The following SV2C variants were observed in gnomAD, a reference collection of about 807,000 sequenced individuals.
SV2C encodes synaptic vesicle glycoprotein 2C, also known as solute carrier family 22 member B3.
In SV2C, 49 loss-of-function variants were observed where a neutral mutation model predicts 79.7. The observed-to-expected ratio is 0.61, with a 90% CI of 0.49 to 0.78. The LOEUF is 0.78. Ranked by LOEUF, SV2C falls within the 30% of genes least tolerant of loss-of-function variation. The pLI is 0.00. For synonymous variants in SV2C, 334 were observed against 333.2 expected, an observed-to-expected ratio of 1.00 and a Z score of -0.03; for missense variants, 833 against 912.9, an observed-to-expected ratio of 0.91 and a Z score of 1.13.
At chr5:76,115,480 TTC>T (rs1748234752) in intron 1 of SV2C, among the ~76,000 whole-genome samples, 1 of 152,202 alleles carries the variant, frequency 6.6e-6, no homozygotes, top group Non-Finnish European at 1.5e-5. Flanking sequence ...AGCTGGATTT[TTC>T]TCTTTGACTG....
At chr5:76,010,259 G>A in the SV2C span, among the ~76,000 whole-genome samples, 3 of 152,136 alleles carry the variant, frequency 2.0e-5, no homozygotes, top group African/African-American at 4.8e-5. Flanking sequence ...TCATAATTAC[G>A]GGAGCCCAGC....
the SV2C span, chr5:75,921,182 C>G: frequency 1.0e-6 from 1 of 961,022 alleles, no homozygotes; most frequent in East Asian, 2.4e-5. Context: ...CTCCAAGTGC[C>G]CGTGGAACTT....
At chr5:76,265,660 G>A (rs1032937142) in intron 4 of SV2C, among the ~76,000 whole-genome samples, 6 of 152,144 alleles carry the variant, frequency 3.9e-5, no homozygotes, top group East Asian at 1.9e-4. Context: ...TGAGAAAAGC[G>A]TAGTATCTGG....
chr5:75,936,872 A>T, the SV2C span, among the ~76,000 whole-genome samples: 1 of 152,200 alleles, frequency 6.6e-6, no homozygotes, highest in Non-Finnish European at 1.5e-5. Context: ...TCGTTACCTT[A>T]ATCTAGAACT....
chr5:75,893,036 CACCAA>C, the SV2C span, among the ~76,000 whole-genome samples: 3 of 152,076 alleles, frequency 2.0e-5, no homozygotes, highest in South Asian at 6.2e-4. Flanking sequence ...TTTACATTCC[CACCAA>C]ACATGTATAA....
the SV2C span, among the ~76,000 whole-genome samples, chr5:75,919,367 A>G: frequency 0.011 from 1,616 of 152,194 alleles, 23 homozygotes; most frequent in African/African-American, 0.035. Flanking sequence ...CTGTTTACTT[A>G]TTTGCTTCTT....
At chr5:76,221,052 C>T (rs1244163814) in intron 4 of SV2C, among the ~76,000 whole-genome samples, 3 of 152,178 alleles carry the variant, frequency 2.0e-5, no homozygotes, top group Non-Finnish European at 4.4e-5. Context: ...GCCATCTCTG[C>T]TGCACCATTT....
chr5:76,309,361 G>A (rs1748324176), intron 12 of SV2C, among the ~76,000 whole-genome samples: 2 of 152,208 alleles, frequency 1.3e-5, no homozygotes, highest in Admixed American at 1.3e-4. Flanking sequence ...AGCACTTTGG[G>A]AGGCCAAGGC....
chr5:76,024,516 G>A, the SV2C span, among the ~76,000 whole-genome samples: 1 of 152,204 alleles, frequency 6.6e-6, no homozygotes, highest in South Asian at 2.1e-4. Flanking sequence ...TCACCAATTT[G>A]TAGGAGTTTT....
intron 2 of SV2C, among the ~76,000 whole-genome samples, chr5:76,135,391 G>T (rs943028320): frequency 6.6e-6 from 1 of 152,194 alleles, no homozygotes; most frequent in African/African-American, 2.4e-5. Flanking sequence ...TAATGAGGGA[G>T]AGAATGGTTT....
chr5:75,953,616 C>A, the SV2C span, among the ~76,000 whole-genome samples: 1 of 151,828 alleles, frequency 6.6e-6, no homozygotes, highest in Non-Finnish European at 1.5e-5. Flanking sequence ...AAGGCCTTTC[C>A]CATATATGCT....
At chr5:75,874,358 G>A in the SV2C span, among the ~76,000 whole-genome samples, 31 of 152,114 alleles carry the variant, frequency 2.0e-4, no homozygotes, top group African/African-American at 6.0e-4. Flanking sequence ...ATTCAACACC[G>A]TGTCATGTTA....
intron 4 of SV2C, among the ~76,000 whole-genome samples, chr5:76,279,959 A>C (rs1362203294): frequency 6.6e-6 from 1 of 152,116 alleles, no homozygotes. Context: ...TGGACGGCTC[A>C]TCAGTTGTAA....
chr5:75,891,653 G>A, the SV2C span, among the ~76,000 whole-genome samples: 1 of 151,990 alleles, frequency 6.6e-6, no homozygotes, highest in South Asian at 2.1e-4. Context: ...TATAACAGAT[G>A]GCATGAAATA....
At chr5:76,199,027 G>A (rs1163350384) in intron 3 of SV2C, among the ~76,000 whole-genome samples, 1 of 152,130 alleles carries the variant, frequency 6.6e-6, no homozygotes. Flanking sequence ...AATAACATTG[G>A]AATAAGAAAA....
Position 76,258,224 on chromosome 5 carries a change from G to A in SV2C, c.914-26938G>A, listed in dbSNP as rs533428234. On this transcript the variant is annotated intron_variant, in intron 4 of 12. Transcript: ENST00000502798. ...GTCAGAGCTTCCTGCACAGCAGCTT[G>A]AATGCTTAGAAACAGTAACTGCTGC... Among the ~76,000 whole-genome samples the A allele has an allele frequency of 2.0e-5, 3 of 152,042 alleles. No homozygotes were observed. In the East Asian group the frequency reaches 5.8e-4, roughly 29 times the overall value.
At chr5:76,116,381 C>G (rs992027380) in intron 1 of SV2C, among the ~76,000 whole-genome samples, 2 of 152,320 alleles carry the variant, frequency 1.3e-5, no homozygotes, top group East Asian at 3.9e-4. Context: ...TGCCACATCA[C>G]AAGTGCAGAA....
At chr5:76,122,740 T>C (rs995510374) in intron 1 of SV2C, among the ~76,000 whole-genome samples, 2 of 151,214 alleles carry the variant, frequency 1.3e-5, no homozygotes, top group Non-Finnish European at 2.9e-5. Context: ...AGAGGGAAAT[T>C]TATAGCACTA....
At chr5:76,117,618 TA>T (rs951162870) in intron 1 of SV2C, among the ~76,000 whole-genome samples, 1 of 151,982 alleles carries the variant, frequency 6.6e-6, no homozygotes, top group African/African-American at 2.4e-5. Flanking sequence ...AACAGAAGAA[TA>T]AAAAAACTGA....
Sources: allele counts gnomAD v4.1 joint callset (sites outside exome capture counted in the v4.1 genomes callset), GRCh38; gene constraint gnomAD v4.1.1; transcripts MANE v1.5; gene names NCBI Gene and HGNC (gene_info 2026-07-23, HGNC 2026-07-21).